LRRC71: variants seen among roughly 807,000 people sequenced by gnomAD.
The protein encoded by LRRC71 is leucine-rich repeat-containing protein 71.
LRRC71 carries 54 observed loss-of-function variants against 66.6 expected under a neutral mutation model. The ratio of observed to expected loss-of-function variants is 0.81; its 90% CI spans 0.65 to 1.02. LRRC71 has a LOEUF of 1.02. LRRC71 is among the 50% of genes least tolerant of loss of function. The probability of loss-of-function intolerance (pLI) is 0.00; values close to 1 mark genes in which losing one functional copy is unlikely to be tolerated. For synonymous variants in LRRC71, 323 were observed against 303.9 expected, an observed-to-expected ratio of 1.06 and a Z score of -0.65; for missense variants, 724 against 718.0, an observed-to-expected ratio of 1.01 and a Z score of -0.10.
At chr1:156,923,476 TAAATA>T in intron 1 of LRRC71, among the ~76,000 whole-genome samples, 1 of 152,320 alleles carries the variant, frequency 6.6e-6, no homozygotes, top group South Asian at 2.1e-4. Flanking sequence ...GGGGAAATGT[TAAATA>T]AAAGTATCGT....
chr1:156,932,301 G>A (rs1654496554), intron 13 of LRRC71, 123 bp from the exon 14 acceptor site: 4 of 774,444 alleles, frequency 5.2e-6, no homozygotes, highest in African/African-American at 3.5e-5. Flanking sequence ...AGGGAAAGGT[G>A]TGCCTGGGCC....
intron 4 of LRRC71, 61 bp from the exon 5 acceptor site, chr1:156,924,877 G>A (rs1249729826): frequency 5.2e-6 from 8 of 1,537,036 alleles, no homozygotes; most frequent in Non-Finnish European, 6.2e-6. Context: ...GGTGTGGGGA[G>A]GGTTTTCCAG....
rs755796930 is a variant in LRRC71, at chr1:156,927,678, C to T, written c.822+23C>T. The T allele has an allele frequency of 1.4e-5, 22 of 1,606,814 alleles. 1 individual carries two copies. The Admixed American group carries it at 3.7e-4, about 27-fold the overall frequency. ...GACGTGAGTGCACGGCGGGGAGGGACCTGCTGGGAGCAGGGGCGGCTTGGG... is the reference window on the plus strand; with the variant it reads ...GACGTGAGTGCACGGCGGGGAGGGATCTGCTGGGAGCAGGGGCGGCTTGGG... On this transcript the variant is annotated intron_variant, in intron 7 of 14. Coordinates refer to ENST00000337428, the MANE Select transcript of LRRC71 (RefSeq NM_144702.3).
downstream of LRRC71, chr1:156,936,011 G>C: frequency 5.0e-6 from 8 of 1,613,606 alleles, no homozygotes; most frequent in South Asian, 4.4e-5. Flanking sequence ...TATGGTCCTG[G>C]TGACGCGGCT....
rs1403277622 is a variant in LRRC71 at position 156,929,322 on chromosome 1, AAG to A, written c.1042_1043del (p.Gln349AspfsTer7). ...CGGGGACTCCAAAACGGACCGTGAG[AAG>A]AGTCAGATGGTAGGGATCAGCAATA... ...RHGDSKTDRE[K>X]SQMVGISNSA... On this transcript the variant is annotated frameshift_variant, in exon 10 of 15. Transcript: ENST00000337428. LOFTEE classifies it high-confidence loss of function. 1 of 1,612,012 alleles carries A rather than the reference AAG, an allele frequency of 6.2e-7. No individual in the cohort carries two copies. The highest frequency in any genetic ancestry group is 8.5e-7 in the Non-Finnish European group (1 of 1,179,052).
chr1:156,940,284 C>T, the LRRC71 span: 4 of 1,613,402 alleles, frequency 2.5e-6, no homozygotes, highest in Non-Finnish European at 3.4e-6. Context: ...GTTCCTTGTC[C>T]TGATGCCCCT....
chr1:156,934,924 AAC>A (rs1458768998), downstream of LRRC71: 2 of 149,300 alleles, frequency 1.3e-5, no homozygotes, highest in East Asian at 1.9e-4. Flanking sequence ...TTAACAGCAG[AAC>A]AGTCATTTCC....
intron 11 of LRRC71, among the ~76,000 whole-genome samples, chr1:156,930,046 C>CTTTCTTTCTTTCTTTCTTTCTTTCTT (rs796965127): frequency 1.8e-4 from 22 of 125,256 alleles, no homozygotes; most frequent in African/African-American, 7.1e-4. Flanking sequence ...CTTTCTTTCT[C>CTTTCTTTCTTTCTTTCTTTCTTTCTT]TTTCTTTCTT....
chr1:156,922,608 A>G (rs554555741), intron 1 of LRRC71, among the ~76,000 whole-genome samples: 2 of 152,302 alleles, frequency 1.3e-5, no homozygotes, highest in South Asian at 2.1e-4. Flanking sequence ...ACTATCTGCT[A>G]AAGTGCAGAG....
intron 10 of LRRC71, 38 bp from the exon 11 acceptor site, chr1:156,929,598 A>T (rs2101644431): frequency 6.4e-7 from 1 of 1,557,176 alleles, no homozygotes; most frequent in Non-Finnish European, 8.7e-7. Flanking sequence ...TCCCCTCCGG[A>T]GGTGGGACTT....
At chr1:156,928,486 T>G (rs1324627286) in intron 9 of LRRC71, among the ~76,000 whole-genome samples, 1 of 128,262 alleles carries the variant, frequency 7.8e-6, no homozygotes, top group African/African-American at 3.6e-5. Flanking sequence ...CTCTTCCTCC[T>G]CCTCCTCTTC....
chr1:156,924,308 A>C, intron 2 of LRRC71, 116 bp from the exon 3 acceptor site: 1 of 1,412,460 alleles, frequency 7.1e-7, no homozygotes, highest in Non-Finnish European at 9.4e-7. Context: ...CAGAGTCCGC[A>C]GGCCGGCGCC....
chr1:156,939,212 A>C, the LRRC71 span: 1 of 317,994 alleles, frequency 3.1e-6, no homozygotes, highest in African/African-American at 2.2e-5. Flanking sequence ...GGAACAGGAG[A>C]TCAGTGAGGA....
chr1:156,923,015 C>T (rs1190160979), intron 1 of LRRC71, among the ~76,000 whole-genome samples: 1 of 152,208 alleles, frequency 6.6e-6, no homozygotes, highest in African/African-American at 2.4e-5. Context: ...TTTGGCTGTG[C>T]CTGGGTTACC....
At chr1:156,939,494 A>G in the LRRC71 span, 3 of 1,600,274 alleles carry the variant, frequency 1.9e-6, no homozygotes, top group Non-Finnish European at 2.5e-6. Flanking sequence ...CGGAAGACTT[A>G]TCTCACCTAG....
chr1:156,928,956 A>AAATT (rs1291202824), intron 9 of LRRC71, among the ~76,000 whole-genome samples: 1 of 152,150 alleles, frequency 6.6e-6, no homozygotes, highest in Admixed American at 6.5e-5. Flanking sequence ...GAGAGGATTT[A>AAATT]AAGACTCAAT....
chr1:156,939,365 T>A, the LRRC71 span: 65 of 767,468 alleles, frequency 8.5e-5, no homozygotes, highest in Admixed American at 1.6e-4. Flanking sequence ...AAGCTCTGAA[T>A]CTCGAATGTC....
At chr1:156,928,363 C>CTCCTCCTCTTCTTCTTCTTCTTCT (rs1440279180) in intron 9 of LRRC71, among the ~76,000 whole-genome samples, 1 of 98,784 alleles carries the variant, frequency 1.0e-5, no homozygotes, top group African/African-American at 5.3e-5. Flanking sequence ...CTTCTTCTTC[C>CTCCTCCTCTTCTTCTTCTTCTTCT]TCTTCTTCTT....
At chr1:156,937,038 G>A (rs1469944611), downstream of LRRC71, 2 of 1,605,580 alleles carry the variant, frequency 1.2e-6, no homozygotes, top group South Asian at 1.1e-5. Flanking sequence ...GTCTGCTCGA[G>A]TCCTTCTATT....
Sources: gnomAD v4.1 joint callset for allele counts (sites outside exome capture counted in the v4.1 genomes callset) on GRCh38, gnomAD v4.1.1 for gene constraint, MANE v1.5 for transcripts, NCBI Gene and HGNC (gene_info 2026-07-23, HGNC 2026-07-21) for gene names.